CLCN4: variants seen among roughly 807,000 people sequenced by gnomAD.
CLCN4 encodes the protein H(+)/Cl(-) exchange transporter 4.
CLCN4 carries 1 observed loss-of-function variant against 41.7 expected under a neutral mutation model. The ratio of observed to expected loss-of-function variants is 0.02; its 90% CI spans 0.01 to 0.11. The LOEUF (loss-of-function observed/expected upper bound fraction) is 0.11, where lower values mean the gene tolerates loss of function less well. CLCN4 is among the 10% of genes least tolerant of loss of function. The pLI is 1.00. For synonymous variants in CLCN4, 277 were observed against 285.8 expected, an observed-to-expected ratio of 0.97 and a Z score of 0.31; for missense variants, 287 against 661.0, an observed-to-expected ratio of 0.43 and a Z score of 6.20.
intron 4 of CLCN4, among the ~76,000 whole-genome samples, chrX:10,189,238 G>A (rs1490431872): frequency 8.9e-6 from 1 of 112,199 alleles, no homozygotes; most frequent in African/African-American, 3.2e-5. Context: ...AAGAAACTCA[G>A]AACAGGAATA....
chrX:10,182,677 C>T (rs899561014), intron 2 of CLCN4, among the ~76,000 whole-genome samples: 3 of 112,434 alleles, frequency 2.7e-5, no homozygotes, highest in Non-Finnish European at 3.8e-5. Flanking sequence ...CCACCCGCCT[C>T]GGCCTCCCAA....
chrX:10,189,870 G>A (rs1923911660), intron 4 of CLCN4, among the ~76,000 whole-genome samples: 1 of 112,498 alleles, frequency 8.9e-6, no homozygotes, highest in African/African-American at 3.2e-5. Context: ...AAGGAAGATT[G>A]GGTGTGCAGT....
At chrX:10,164,960 T>G (rs1407452025) in intron 2 of CLCN4, among the ~76,000 whole-genome samples, 1 of 112,570 alleles carries the variant, frequency 8.9e-6, no homozygotes, top group Non-Finnish European at 1.9e-5. Context: ...GCACATTTGT[T>G]CCTGCCACTG....
intron 6 of CLCN4, among the ~76,000 whole-genome samples, chrX:10,202,707 A>G (rs1462298164): frequency 9.6e-6 from 1 of 104,284 alleles, no homozygotes; most frequent in Non-Finnish European, 2.0e-5. Context: ...GTGGGACTTG[A>G]GAGAGAACTG....
chrX:10,179,322 TGA>T (rs1033385839), intron 2 of CLCN4, among the ~76,000 whole-genome samples: 13 of 111,383 alleles, frequency 1.2e-4, no homozygotes, highest in African/African-American at 3.6e-4. Flanking sequence ...TCCTGGCTTT[TGA>T]GAGAGGGGCA....
chrX:10,214,125 C>T (rs1438680623), intron 11 of CLCN4, 46 bp downstream of exon 11: 1 of 1,106,851 alleles, frequency 9.0e-7, no homozygotes, highest in East Asian at 3.1e-5. Flanking sequence ...AGCCGAATGG[C>T]ATCCTTTGTA....
At chrX:10,216,916 T>TACACACACAC (rs769661442) in intron 11 of CLCN4, among the ~76,000 whole-genome samples, 313 of 20,411 alleles carry the variant, frequency 0.015, 6 homozygotes, top group African/African-American at 0.058. Flanking sequence ...TATATATATA[T>TACACACACAC]ATACACACAC....
At chrX:10,219,308 A>G (rs925962399) in intron 11 of CLCN4, among the ~76,000 whole-genome samples, 1 of 112,399 alleles carries the variant, frequency 8.9e-6, no homozygotes, top group Non-Finnish European at 1.9e-5. Flanking sequence ...GGACTTTAAG[A>G]GAATCGGCTG....
At chrX:10,222,106 G>A (rs896287173) in intron 12 of CLCN4, among the ~76,000 whole-genome samples, 8 of 112,877 alleles carry the variant, frequency 7.1e-5, no homozygotes, top group Admixed American at 5.6e-4. Flanking sequence ...TTGGAGAATG[G>A]AGAGATTTGA....
At chrX:10,222,717 A>G (rs1486962238) in intron 12 of CLCN4, among the ~76,000 whole-genome samples, 1 of 111,839 alleles carries the variant, frequency 8.9e-6, no homozygotes, top group Non-Finnish European at 1.9e-5. Context: ...ATGTGCCTGT[A>G]TAGCCAAATG....
At chrX:10,190,587 G>A (rs761436307) in intron 4 of CLCN4, among the ~76,000 whole-genome samples, 2 of 111,662 alleles carry the variant, frequency 1.8e-5, no homozygotes, top group African/African-American at 3.3e-5. Context: ...AGCTGACTCT[G>A]CAAACTAGCA....
chrX:10,189,939 C>T (rs750344119), intron 4 of CLCN4, among the ~76,000 whole-genome samples: 1 of 111,793 alleles, frequency 8.9e-6, no homozygotes, highest in African/African-American at 3.3e-5. Flanking sequence ...CTGTTTGCCC[C>T]TGGATATCTG....
chrX:10,227,664 C>T (rs1252030727), intron 12 of CLCN4, among the ~76,000 whole-genome samples: 1 of 111,855 alleles, frequency 8.9e-6, no homozygotes, highest in African/African-American at 3.3e-5. Context: ...GCTGTTACCT[C>T]CTATACCACA....
At chrX:10,161,159 C>G (rs1041013792) in intron 2 of CLCN4, among the ~76,000 whole-genome samples, 15 of 105,401 alleles carry the variant, frequency 1.4e-4, no homozygotes, top group South Asian at 4.3e-4. Context: ...CTCTCTCTCT[C>G]TCTGTCTGTC....
intron 2 of CLCN4, among the ~76,000 whole-genome samples, chrX:10,175,945 CCTCTCT>C (rs1259375232): frequency 1.4e-4 from 6 of 42,019 alleles, no homozygotes; most frequent in African/African-American, 1.9e-4. Flanking sequence ...CCTCCCTCTC[CCTCTCT>C]CTCTCTCTCT....
At chrX:10,186,985 G>T (rs960154476) in intron 3 of CLCN4, among the ~76,000 whole-genome samples, 1 of 111,990 alleles carries the variant, frequency 8.9e-6, no homozygotes, top group African/African-American at 3.3e-5. Context: ...TCTCAGAGGA[G>T]CATAGGATTC....
rs1056504664 is a variant in CLCN4 at position 10,212,454 on chromosome X, G to A, written c.1390-13G>A. ...TTTTTCCCTCATGTTGCTTTTCTCT[G>A]TGTCTCCTCAAGATCCCGTCGGGCC... On this transcript the variant is annotated splice_polypyrimidine_tract_variant and intron_variant, in intron 9 of 12. Coordinates refer to ENST00000380833, the MANE Select transcript of CLCN4 (RefSeq NM_001830.4). 6.6e-6 allele frequency: 8 copies of A among 1,206,805 alleles called. No homozygotes were observed. The highest frequency in any genetic ancestry group is 9.0e-6 in the Non-Finnish European group (8 of 891,650).
chrX:10,192,342 C>A (rs775263460), intron 4 of CLCN4, among the ~76,000 whole-genome samples: 36 of 111,518 alleles, frequency 3.2e-4, no homozygotes, highest in African/African-American at 1.1e-3. Flanking sequence ...GAAGGACAGG[C>A]AGCCACAGGA....
intron 2 of CLCN4, among the ~76,000 whole-genome samples, chrX:10,173,007 A>G (rs1748548534): frequency 9.0e-6 from 1 of 111,578 alleles, no homozygotes; most frequent in Admixed American, 9.5e-5. Flanking sequence ...TGGAGCAGGA[A>G]GGAGTGAAAT....
Sources: gnomAD v4.1 joint callset for allele counts (sites outside exome capture counted in the v4.1 genomes callset) on GRCh38, gnomAD v4.1.1 for gene constraint, MANE v1.5 for transcripts, NCBI Gene and HGNC (gene_info 2026-07-23, HGNC 2026-07-21) for gene names.